Variants in GPC6 observed in about 807,000 individuals in gnomAD.
GPC6 encodes the protein glypican 6.
Under a neutral mutation model 55.2 loss-of-function variants are expected in GPC6, and 14 were observed. That is an observed-to-expected ratio of 0.25 (90% CI 0.17 to 0.40). The LOEUF is 0.40. GPC6 is among the 10% of genes least tolerant of loss of function. The pLI is 1.00. For missense variants in GPC6, 641 were observed against 708.5 expected (o/e 0.90, Z 1.08); for synonymous variants, 278 against 259.6 (o/e 1.07, Z -0.68).
chr13:94,266,362 G>A (rs1379110080), intron 4 of GPC6, among the ~76,000 whole-genome samples: 1 of 152,072 alleles, frequency 6.6e-6, no homozygotes, highest in East Asian at 1.9e-4. Context: ...TAGAGACGGG[G>A]TTTCACTGTG....
chr13:93,391,808 C>T (rs546134687), intron 1 of GPC6, among the ~76,000 whole-genome samples: 1 of 152,250 alleles, frequency 6.6e-6, no homozygotes, highest in East Asian at 1.9e-4. Context: ...GCTACATTCA[C>T]TCTGGCAGAT....
At chr13:93,324,587 CATATATATATAT>C (rs34871661) in intron 1 of GPC6, among the ~76,000 whole-genome samples, 1 of 122,888 alleles carries the variant, frequency 8.1e-6, no homozygotes, top group Admixed American at 9.3e-5. Context: ...CACATACATA[CATATATATATAT>C]ATATATATAT....
upstream of GPC6, among the ~76,000 whole-genome samples, chr13:93,222,031 C>A (rs2138988947): frequency 6.6e-6 from 1 of 151,850 alleles, no homozygotes; most frequent in East Asian, 1.9e-4. Flanking sequence ...TTTTATAAAC[C>A]CAAGGCTTTT....
chr13:94,351,101 T>C lies in GPC6; in HGVS notation c.1153-31313T>C, dbSNP rs2296566. 5.1e-3 allele frequency among the ~76,000 whole-genome samples: 766 copies of C among 151,500 alleles called. 20 individuals carry two copies. The East Asian group carries it at 0.083, about 16-fold the overall frequency. On this transcript the variant is annotated intron_variant, in intron 6 of 8. Transcript: ENST00000377047. ...ACCTGGGGGAATAAAGTCTCAGCTATACTAAACTTCCTGAGCCTTGAAAGC... is the reference window on the plus strand; with the variant it reads ...ACCTGGGGGAATAAAGTCTCAGCTACACTAAACTTCCTGAGCCTTGAAAGC...
chr13:93,440,775 A>G lies in GPC6; in HGVS notation c.161-104488A>G, dbSNP rs538142256. Among the ~76,000 whole-genome samples the G allele has an allele frequency of 1.7e-3, 262 of 152,160 alleles. 3 individuals carry two copies. The highest frequency in any genetic ancestry group is 3.4e-3 in the Middle Eastern group (1 of 294). Reference sequence around the variant, plus strand: ...TTTGTTACATATGTATACATGTGCAATGTTGGCGTGCTGCACCCATTAACT... The same window carrying G: ...TTTGTTACATATGTATACATGTGCAGTGTTGGCGTGCTGCACCCATTAACT... On this transcript the variant is annotated intron_variant, in intron 1 of 8. Transcript: ENST00000377047.
chr13:93,224,158 A>G (rs1263234642), upstream of GPC6, among the ~76,000 whole-genome samples: 2 of 149,940 alleles, frequency 1.3e-5, no homozygotes, highest in African/African-American at 4.9e-5. Flanking sequence ...TCGGCCTCCC[A>G]AAGTGCTGGG....
chr13:94,057,250 A>G (rs1228806955), intron 4 of GPC6, among the ~76,000 whole-genome samples: 1 of 152,198 alleles, frequency 6.6e-6, no homozygotes, highest in Non-Finnish European at 1.5e-5. Flanking sequence ...AGAGTGAAAT[A>G]CCAGCCTACT....
In GPC6 at chr13:93,876,554, G is replaced by A. The variant is rs941285136; in HGVS notation, c.711+46009G>A. Among the ~76,000 whole-genome samples, 17 of 152,058 alleles carry A rather than the reference G, an allele frequency of 1.1e-4. 1 individual carries two copies. The highest frequency in any genetic ancestry group is 9.7e-4 in the East Asian group (5 of 5,130). On this transcript the variant is annotated intron_variant, in intron 3 of 8. Coordinates refer to ENST00000377047, the MANE Select transcript of GPC6 (RefSeq NM_005708.5). ...TGCCTAAAAATGAGAGTTTCAGAAT[G>A]AGTTAATACTTATTTCTCTTACCTA...
At chr13:93,226,089 C>T (rs568629618), upstream of GPC6, among the ~76,000 whole-genome samples, 1 of 152,232 alleles carries the variant, frequency 6.6e-6, no homozygotes, top group South Asian at 2.1e-4. Context: ...TGGATTGATT[C>T]TCCACTTGAG....
intron 1 of GPC6, among the ~76,000 whole-genome samples, chr13:93,534,402 T>C (rs1881975519): frequency 1.3e-5 from 2 of 151,952 alleles, no homozygotes; most frequent in African/African-American, 2.4e-5. Flanking sequence ...ATTTCTGTTG[T>C]TTGTCTGTTT....
chr13:93,284,316 T>TA (rs1878042739), intron 1 of GPC6, among the ~76,000 whole-genome samples: 1 of 152,200 alleles, frequency 6.6e-6, no homozygotes, highest in Non-Finnish European at 1.5e-5. Flanking sequence ...GTGTATGTCT[T>TA]ACAAATAGGG....
At chr13:93,565,600 A>C (rs983692251) in intron 2 of GPC6, among the ~76,000 whole-genome samples, 1 of 152,126 alleles carries the variant, frequency 6.6e-6, no homozygotes, top group African/African-American at 2.4e-5. Context: ...AAGGACCCTC[A>C]GCATCTTTAC....
At chr13:93,486,094 G>T (rs977710005) in intron 1 of GPC6, among the ~76,000 whole-genome samples, 1 of 152,084 alleles carries the variant, frequency 6.6e-6, no homozygotes, top group African/African-American at 2.4e-5. Context: ...CCAAGAAAGA[G>T]AATTTCAAAA....
chr13:94,040,657 G>A (rs1267898193), intron 4 of GPC6, among the ~76,000 whole-genome samples: 4 of 151,938 alleles, frequency 2.6e-5, no homozygotes, highest in East Asian at 3.9e-4. Flanking sequence ...GCCTGAGAAC[G>A]ATGATTTCAG....
upstream of GPC6, among the ~76,000 whole-genome samples, chr13:93,225,341 C>G (rs1488683291): frequency 1.3e-5 from 2 of 152,150 alleles, no homozygotes; most frequent in East Asian, 1.9e-4. Context: ...TATATTTTAT[C>G]TTGATTTCCG....
intron 1 of GPC6, among the ~76,000 whole-genome samples, chr13:93,504,775 A>G (rs1594219151): frequency 6.6e-6 from 1 of 152,176 alleles, no homozygotes; most frequent in Non-Finnish European, 1.5e-5. Context: ...TTGAGTTCCT[A>G]CTATCTGCCA....
intron 7 of GPC6, among the ~76,000 whole-genome samples, chr13:94,392,123 C>A (rs543282241): frequency 6.6e-6 from 1 of 152,060 alleles, no homozygotes; most frequent in Admixed American, 6.6e-5. Flanking sequence ...CAAGTCCTTG[C>A]CTTTCATTCT....
chr13:93,992,083 C>T (rs1032416953), intron 3 of GPC6, among the ~76,000 whole-genome samples: 3 of 150,792 alleles, frequency 2.0e-5, no homozygotes, highest in African/African-American at 7.3e-5. Context: ...ACATAGTTTA[C>T]ATAATTTATA....
In GPC6 at chr13:93,227,746, C is replaced by T; in HGVS notation, c.160+130C>T. 2.9e-6 allele frequency: 2 copies of T among 692,636 alleles called. No homozygotes were observed. The highest frequency in any genetic ancestry group is 2.8e-5 in the East Asian group (1 of 35,736). 42.9% of individuals were successfully genotyped at this position (692,636 alleles called of 1,614,324 possible). A position where few individuals can be genotyped will look rare whatever the true frequency, so the allele number is the denominator to read the frequency against. ...CACTTTCTGCCACCGCTATGGGACT[C>T]CGCGTCTCCGTGTTGGGCGGCGGAT... On this transcript the variant is annotated intron_variant, in intron 1 of 8. Transcript: ENST00000377047. The surrounding 1 kb of genome is among the most constrained non-coding windows in gnomAD (Gnocchi z 4.3).
Sources: allele counts gnomAD v4.1 joint callset (sites outside exome capture counted in the v4.1 genomes callset), GRCh38; gene constraint gnomAD v4.1.1; non-coding constraint Gnocchi (gnomAD v3.1); transcripts MANE v1.5; gene names NCBI Gene and HGNC (gene_info 2026-07-23, HGNC 2026-07-21).